The following IPO11 variants were observed in gnomAD, a reference collection of about 807,000 sequenced individuals.
IPO11 encodes importin 11, also known as importin-11.
Under a neutral mutation model 143.2 loss-of-function variants are expected in IPO11, and 66 were observed. The observed-to-expected ratio is 0.46, with a 90% CI of 0.38 to 0.57. IPO11 has a LOEUF of 0.57. Ranked by LOEUF, IPO11 falls within the 20% of genes least tolerant of loss-of-function variation. IPO11 has a pLI of 0.00. For missense variants in IPO11, 1,026 were observed against 1,141.0 expected (o/e 0.90, Z 1.45); for synonymous variants, 385 against 377.8 (o/e 1.02, Z -0.22).
chr5:62,425,662 T>C (rs763967482), intron 1 of IPO11, among the ~76,000 whole-genome samples: 4 of 152,188 alleles, frequency 2.6e-5, no homozygotes, highest in African/African-American at 9.7e-5. Flanking sequence ...GAAACAATAG[T>C]ACATTATCCG....
intron 1 of IPO11, among the ~76,000 whole-genome samples, chr5:62,429,234 C>T (rs541379806): frequency 1.3e-5 from 2 of 152,154 alleles, no homozygotes; most frequent in South Asian, 2.1e-4. Flanking sequence ...TTTGCCTGTT[C>T]TTCATATTTC....
intron 27 of IPO11, chr5:62,579,852 T>G: frequency 1.3e-6 from 2 of 1,548,818 alleles, no homozygotes; most frequent in Non-Finnish European, 1.7e-6. Context: ...GTAATTTATA[T>G]TTACAGTATA....
chr5:62,487,631 C>CTTTCT, intron 12 of IPO11, 140 bp from the exon 13 acceptor site: 2 of 738,890 alleles, frequency 2.7e-6, no homozygotes, highest in Non-Finnish European at 3.6e-6. Context: ...GGTAACCTTA[C>CTTTCT]TTTTTTTTTT....
intron 6 of IPO11, among the ~76,000 whole-genome samples, chr5:62,470,024 A>G (rs1292949501): frequency 6.6e-6 from 1 of 152,206 alleles, no homozygotes; most frequent in Non-Finnish European, 1.5e-5. Context: ...TTTTAGAAAC[A>G]TGAGTAGTAA....
At chr5:62,598,279 C>T (rs1308230365) in intron 28 of IPO11, among the ~76,000 whole-genome samples, 1 of 151,900 alleles carries the variant, frequency 6.6e-6, no homozygotes, top group African/African-American at 2.4e-5. Flanking sequence ...TGTACAGATT[C>T]AGGGTTCAAT....
Position 62,493,865 on chromosome 5 carries a change from G to C in IPO11, c.1464-133G>C, listed in dbSNP as rs1463860672. The C allele has an allele frequency of 1.2e-5, 10 of 833,088 alleles. No homozygotes were observed. The Admixed American group carries it at 3.2e-4, about 26-fold the overall frequency. The allele number at this position is 833,088 out of a possible 1,614,324, so 51.6% of individuals were successfully genotyped here. ...ATTATAAGCATGAGCCAGCACACCT[G>C]CTTTTAAGCTTTTATATTAAAAATG... On this transcript the variant is annotated intron_variant, in intron 15 of 29. Coordinates refer to ENST00000325324, the MANE Select transcript of IPO11 (RefSeq NM_016338.5).
intron 7 of IPO11, among the ~76,000 whole-genome samples, chr5:62,471,489 T>TA (rs1745771488): frequency 6.6e-6 from 1 of 152,152 alleles, no homozygotes; most frequent in Non-Finnish European, 1.5e-5. Context: ...GAAAAGAAAC[T>TA]AAAAAATCAT....
chr5:62,611,203 C>T (rs905318385), intron 29 of IPO11, among the ~76,000 whole-genome samples: 1 of 152,132 alleles, frequency 6.6e-6, no homozygotes, highest in Non-Finnish European at 1.5e-5. Flanking sequence ...ATTAGAAATA[C>T]ACTGTGGTCA....
In IPO11 at chr5:62,627,748, T is replaced by C. The variant is rs1746636978; in HGVS notation, c.*430T>C. ...CTAATGAAACTACAGGTTTGAAAAA[T>C]GACAAAGCTGTTCAGATGATGCTAT... On this transcript the variant is annotated 3_prime_UTR_variant, in exon 30 of 30. Coordinates refer to ENST00000325324, the MANE Select transcript of IPO11 (RefSeq NM_016338.5). The C allele has an allele frequency of 6.5e-6, 1 of 154,010 alleles. No individual in the cohort carries two copies. The highest frequency in any genetic ancestry group is 2.4e-5 in the African/African-American group (1 of 41,436). The allele number at this position is 154,010 out of a possible 1,614,324, so 9.5% of individuals were successfully genotyped here. A position where few individuals can be genotyped will look rare whatever the true frequency, so the allele number is the denominator to read the frequency against.
intron 24 of IPO11, among the ~76,000 whole-genome samples, chr5:62,541,363 C>T (rs547660070): frequency 3.4e-5 from 5 of 146,836 alleles, no homozygotes; most frequent in East Asian, 4.0e-4. Flanking sequence ...AAGAGCGAAA[C>T]GCTGTCTCAA....
At chr5:62,508,234 T>C (rs574960246) in intron 19 of IPO11, among the ~76,000 whole-genome samples, 1 of 152,062 alleles carries the variant, frequency 6.6e-6, no homozygotes, top group African/African-American at 2.4e-5. Flanking sequence ...TGGGTTCAAG[T>C]GATTCTTGTC....
chr5:62,435,844 C>T (rs761159733), intron 1 of IPO11, among the ~76,000 whole-genome samples: 1 of 151,866 alleles, frequency 6.6e-6, no homozygotes, highest in Non-Finnish European at 1.5e-5. Flanking sequence ...GCCTGGCCAA[C>T]GTGGTGAAAC....
chr5:62,511,111 A>G (rs1029381210), intron 19 of IPO11, among the ~76,000 whole-genome samples: 1 of 152,214 alleles, frequency 6.6e-6, no homozygotes, highest in African/African-American at 2.4e-5. Flanking sequence ...ATGACAGCCA[A>G]GATTGGAATA....
intron 22 of IPO11, among the ~76,000 whole-genome samples, chr5:62,534,171 C>T (rs906442536): frequency 4.6e-5 from 7 of 152,038 alleles, no homozygotes; most frequent in African/African-American, 9.7e-5. Context: ...TGTAACTGGA[C>T]GTTATTATAT....
At chr5:62,512,979 T>C (rs1300717476) in intron 19 of IPO11, among the ~76,000 whole-genome samples, 1 of 149,002 alleles carries the variant, frequency 6.7e-6, no homozygotes, top group African/African-American at 2.5e-5. Flanking sequence ...CTCCCATGTC[T>C]ACTTCTTTCT....
At chr5:62,474,393 T>C in intron 7 of IPO11, 23 bp from the exon 8 acceptor site, 1 of 1,380,356 alleles carries the variant, frequency 7.2e-7, no homozygotes, top group African/African-American at 1.5e-5. Context: ...AATTGAGATA[T>C]TTAAAATAAT....
intron 29 of IPO11, among the ~76,000 whole-genome samples, chr5:62,608,740 C>A (rs999343779): frequency 6.6e-6 from 1 of 152,218 alleles, no homozygotes; most frequent in African/African-American, 2.4e-5. Flanking sequence ...AAATTTGTTA[C>A]AGCTGATGAC....
intron 16 of IPO11, among the ~76,000 whole-genome samples, chr5:62,502,045 G>A (rs894384028): frequency 5.9e-5 from 9 of 152,194 alleles, no homozygotes; most frequent in Non-Finnish European, 1.0e-4. Flanking sequence ...AGATGCATTC[G>A]TTGTGACATC....
intron 19 of IPO11, among the ~76,000 whole-genome samples, chr5:62,513,921 G>A (rs1228378260): frequency 4.0e-5 from 6 of 150,592 alleles, no homozygotes; most frequent in Admixed American, 2.6e-4. Flanking sequence ...ACGGGGTCGC[G>A]GCCGGGCCGA....
Sources: allele counts gnomAD v4.1 joint callset (sites outside exome capture counted in the v4.1 genomes callset), GRCh38; gene constraint gnomAD v4.1.1; transcripts MANE v1.5; gene names NCBI Gene and HGNC (gene_info 2026-07-23, HGNC 2026-07-21).